Variants in NRXN3 observed in about 807,000 individuals in gnomAD.
The protein encoded by NRXN3 is neurexin 3.
Under a neutral mutation model 137.6 loss-of-function variants are expected in NRXN3, and 32 were observed. The ratio of observed to expected loss-of-function variants is 0.23; its 90% CI spans 0.18 to 0.31. The LOEUF (loss-of-function observed/expected upper bound fraction) is 0.31, where lower values mean the gene tolerates loss of function less well. Ranked by LOEUF, NRXN3 falls within the 10% of genes least tolerant of loss-of-function variation. NRXN3 has a pLI of 1.00. For synonymous variants in NRXN3, 798 were observed against 784.5 expected (o/e 1.02, Z -0.29); for missense variants, 1,574 against 2,062.5 (o/e 0.76, Z 4.59).
chr14:79,804,820 G>C (rs2099197122), intron 19 of NRXN3, among the ~76,000 whole-genome samples: 1 of 152,064 alleles, frequency 6.6e-6, no homozygotes, highest in South Asian at 2.1e-4. Context: ...AATGAAGTAA[G>C]GCTACAAAAT....
At chr14:79,770,484 T>A (rs2099073638) in intron 19 of NRXN3, among the ~76,000 whole-genome samples, 1 of 124,618 alleles carries the variant, frequency 8.0e-6, no homozygotes, top group African/African-American at 3.1e-5. Flanking sequence ...TCAAAGCCGC[T>A]CAACTACATG....
chr14:78,645,258 C>G lies in NRXN3; in HGVS notation c.896C>G (p.Thr299Arg), dbSNP rs750343246. The G allele has an allele frequency of 6.3e-7, 1 of 1,598,732 alleles. No homozygotes were observed. The highest frequency in any genetic ancestry group is 8.5e-7 in the Non-Finnish European group (1 of 1,179,806). The change falls in exon 5 of 21, where the codon ACG (threonine) becomes AGG (arginine). Residue 299 changes from threonine to arginine, a missense_variant. Transcript: ENST00000335750. Reference protein sequence around the residue: ...TWQRNGLILHTGKSADYVNLA... With the variant: ...TWQRNGLILHRGKSADYVNLA... The stretch of plus-strand genomic sequence containing the variant: ...CAGCGTAACGGCCTCATCCTGCACA[C>G]GGGCAAGTCGGCTGACTATGTCAAC...
intron 4 of NRXN3, among the ~76,000 whole-genome samples, chr14:78,307,159 G>A (rs1033637093): frequency 1.3e-5 from 2 of 151,122 alleles, no homozygotes; most frequent in African/African-American, 4.9e-5. Flanking sequence ...CATACACAGT[G>A]CAAAGTGTAT....
At chr14:79,093,468 G>A (rs986925472) in intron 15 of NRXN3, among the ~76,000 whole-genome samples, 2 of 152,180 alleles carry the variant, frequency 1.3e-5, no homozygotes. Context: ...AGAACAATAT[G>A]GAAAAGGAAA....
chr14:78,264,316 T>A (rs1178911631), intron 2 of NRXN3, among the ~76,000 whole-genome samples: 1 of 152,112 alleles, frequency 6.6e-6, no homozygotes, highest in Non-Finnish European at 1.5e-5. Context: ...TGACCCAGCC[T>A]CCCCAAGAAA....
intron 4 of NRXN3, among the ~76,000 whole-genome samples, chr14:78,570,808 C>T (rs898375310): frequency 2.0e-5 from 3 of 152,200 alleles, no homozygotes; most frequent in Non-Finnish European, 4.4e-5. Context: ...AGTAGTTGAG[C>T]CCCCTTTCTG....
chr14:78,721,758 C>G (rs557709070), intron 8 of NRXN3, among the ~76,000 whole-genome samples: 1 of 152,218 alleles, frequency 6.6e-6, no homozygotes, highest in East Asian at 1.9e-4. Flanking sequence ...CCATTGTTTA[C>G]TCTTTTTGAT....
intron 8 of NRXN3, among the ~76,000 whole-genome samples, chr14:78,731,746 G>A (rs928412965): frequency 6.7e-6 from 1 of 149,842 alleles, no homozygotes; most frequent in Non-Finnish European, 1.5e-5. Context: ...ACATGTTAAT[G>A]TAATTTTATA....
intron 17 of NRXN3, among the ~76,000 whole-genome samples, chr14:79,671,878 A>T (rs1408044650): frequency 6.6e-6 from 1 of 152,108 alleles, no homozygotes; most frequent in East Asian, 1.9e-4. Flanking sequence ...CAAAGAGACC[A>T]GATAGAAATA....
At chr14:79,337,782 G>A (rs1011458031) in intron 15 of NRXN3, among the ~76,000 whole-genome samples, 1 of 152,162 alleles carries the variant, frequency 6.6e-6, no homozygotes, top group Non-Finnish European at 1.5e-5. Flanking sequence ...CCTAAAGAAT[G>A]GATCTCCTGT....
intron 17 of NRXN3, among the ~76,000 whole-genome samples, chr14:79,670,646 C>T (rs1231728851): frequency 6.6e-6 from 1 of 152,108 alleles, no homozygotes; most frequent in Admixed American, 6.6e-5. Context: ...GACAGCATGG[C>T]TATGGTGCAA....
intron 15 of NRXN3, among the ~76,000 whole-genome samples, chr14:79,304,192 T>C (rs1299769521): frequency 6.6e-6 from 1 of 152,050 alleles, no homozygotes; most frequent in Admixed American, 6.6e-5. Context: ...GTGTGTCTCC[T>C]GGCCCCATTA....
chr14:79,450,502 CAT>C (rs1319950622), intron 15 of NRXN3, among the ~76,000 whole-genome samples: 2 of 152,066 alleles, frequency 1.3e-5, no homozygotes, highest in African/African-American at 4.8e-5. Flanking sequence ...CATCATTCCA[CAT>C]AGTTTACATA....
At chr14:78,803,143 C>T (rs1479462221) in intron 8 of NRXN3, among the ~76,000 whole-genome samples, 1 of 152,138 alleles carries the variant, frequency 6.6e-6, no homozygotes, top group African/African-American at 2.4e-5. Context: ...CTACTTTTTC[C>T]TTCCTTTAAA....
chr14:79,209,095 CA>C (rs2067248109), intron 15 of NRXN3, among the ~76,000 whole-genome samples: 1 of 150,552 alleles, frequency 6.6e-6, no homozygotes, highest in Admixed American at 6.6e-5. Context: ...CGTGCCACCA[CA>C]CCTGGCTAAT....
intron 19 of NRXN3, among the ~76,000 whole-genome samples, chr14:79,768,828 C>A (rs558871581): frequency 2.0e-5 from 3 of 152,088 alleles, no homozygotes; most frequent in African/African-American, 7.2e-5. Flanking sequence ...TTACTCTGAG[C>A]TACGGGAGGA....
At chr14:78,238,325 T>A (rs1413990890) in intron 1 of NRXN3, among the ~76,000 whole-genome samples, 1 of 152,224 alleles carries the variant, frequency 6.6e-6, no homozygotes, top group African/African-American at 2.4e-5. Flanking sequence ...TCTGAGCTTC[T>A]GCACCAGCCC....
At chr14:79,785,251 G>T (rs754239016) in intron 19 of NRXN3, among the ~76,000 whole-genome samples, 2 of 152,164 alleles carry the variant, frequency 1.3e-5, no homozygotes, top group Non-Finnish European at 2.9e-5. Context: ...TGCACCATTA[G>T]TGTACATTTG....
In NRXN3 at chr14:79,576,102, C is replaced by T. The variant is rs372074484; in HGVS notation, c.3445-87676C>T. ...CTTTTCTCTCTGGCTGTTGGGATGG[C>T]GTCTGTCTCTCTGGCATTATCCACT... is the stretch of plus-strand genomic sequence containing the variant. On this transcript the variant is annotated intron_variant, in intron 16 of 20. Transcript: ENST00000335750. 3.4e-4 allele frequency among the ~76,000 whole-genome samples: 52 copies of T among 152,238 alleles called. 1 individual carries two copies. In the South Asian group the frequency reaches 8.3e-3, roughly 24 times the overall value.
Sources: gnomAD v4.1 joint callset for allele counts (sites outside exome capture counted in the v4.1 genomes callset) on GRCh38, gnomAD v4.1.1 for gene constraint, MANE v1.5 for transcripts, NCBI Gene and HGNC (gene_info 2026-07-23, HGNC 2026-07-21) for gene names.